The following NSD2 variants were observed in gnomAD, a reference collection of about 807,000 sequenced individuals.
NSD2 encodes the protein nuclear receptor binding SET domain protein 2.
NSD2 carries 12 observed loss-of-function variants against 139.0 expected under a neutral mutation model. The observed-to-expected ratio is 0.09, with a 90% CI of 0.06 to 0.14. The LOEUF (loss-of-function observed/expected upper bound fraction) is 0.14, where lower values mean the gene tolerates loss of function less well. Among genes scored for constraint, NSD2 ranks in the 10% least tolerant of loss-of-function variants. The pLI is 1.00. For synonymous variants in NSD2, 669 were observed against 648.7 expected (o/e 1.03, Z -0.48); for missense variants, 1,155 against 1,745.0 (o/e 0.66, Z 6.02).
rs1403548798 is a variant in NSD2, at chr4:1,980,969, G to A, written c.*2060G>A. Reference sequence around the variant, plus strand: ...ACACACCTTAGAGTCGAAGGCCCCAGGGCCCCGCTGTCACTTGCCCAAAAG... The same window carrying A: ...ACACACCTTAGAGTCGAAGGCCCCAAGGCCCCGCTGTCACTTGCCCAAAAG... On this transcript the variant is annotated 3_prime_UTR_variant, in exon 22 of 22. Coordinates refer to ENST00000508803, the MANE Select transcript of NSD2 (RefSeq NM_001042424.3). 4.3e-6 allele frequency: 1 copy of A among 233,288 alleles called. No homozygotes were observed. The highest frequency in any genetic ancestry group is 8.5e-6 in the Non-Finnish European group (1 of 118,030). 14.5% of individuals were successfully genotyped at this position (233,288 alleles called of 1,614,324 possible).
At position 1,956,108 on chromosome 4, in the gene NSD2, C is replaced by G; in HGVS notation, c.2801C>G (p.Ala934Gly). The G allele has an allele frequency of 6.2e-7, 1 of 1,613,902 alleles. No homozygotes were observed. Among genetic ancestry groups the G allele is most frequent in the Non-Finnish European group, 8.5e-7 (1 of 1,180,036 alleles). ...AAAGATTATTACTGGACGCATCAGG[C>G]GCGAGTGTTCCCGTACATGGAGGGG... ...GSKDYYWTHQARVFPYMEGDR... is the reference protein window; with the variant it reads ...GSKDYYWTHQGRVFPYMEGDR... Residue 934 changes from alanine (A) to glycine (G), a missense_variant, in exon 15 of 22, where the codon GCG becomes GGG. Transcript: ENST00000508803. The surrounding 1 kb of genome is among the most constrained non-coding windows in gnomAD (Gnocchi z 5.3).
chr4:1,959,145 C>G (rs1725121410), intron 16 of NSD2, among the ~76,000 whole-genome samples: 1 of 152,218 alleles, frequency 6.6e-6, no homozygotes, highest in South Asian at 2.1e-4. Flanking sequence ...GTGTACTAAG[C>G]AATCAACACG....
At chr4:1,928,902 TG>T (rs2108848251) in intron 5 of NSD2, among the ~76,000 whole-genome samples, 1 of 151,994 alleles carries the variant, frequency 6.6e-6, no homozygotes, top group East Asian at 1.9e-4. Context: ...AGTGGGCTCA[TG>T]GAGTGAGTCA....
Position 1,957,940 on chromosome 4 carries a change from A to T in NSD2, c.2889A>T (p.Gln963His), listed in dbSNP as rs137974842. Residue 963 changes from glutamine (Q) to histidine (H), a missense_variant, in exon 16 of 22, where the codon CAA (glutamine) becomes CAT (histidine). Transcript: ENST00000508803. Reference protein sequence around the residue: ...GIGRVFKNALQEAEARFREIK... With the variant: ...GIGRVFKNALHEAEARFREIK... ...ATTTCATTGACTTTTTAGCACTGCA[A>T]GAAGCTGAAGCTCGTTTTCGTGAAA... is the stretch of plus-strand genomic sequence containing the variant. 2 of 1,614,078 alleles carry T rather than the reference A, an allele frequency of 1.2e-6. No homozygotes were observed. The highest frequency in any genetic ancestry group is 2.7e-5 in the African/African-American group (2 of 74,940).
chr4:1,882,214 C>G (rs1714754945), intron 1 of NSD2, among the ~76,000 whole-genome samples: 1 of 152,100 alleles, frequency 6.6e-6, no homozygotes, highest in South Asian at 2.1e-4. Flanking sequence ...ATTGGACAGC[C>G]CTGTCTCCTT....
chr4:1,957,995 C>G lies in NSD2; in HGVS notation c.2944C>G (p.Gln982Glu), dbSNP rs1472780335. The change falls in exon 16 of 22, where the codon CAG (glutamine) becomes GAG (glutamate). Residue 982 changes from glutamine (Q) to glutamate (E), a missense_variant. Gln to Glu is a conservative substitution (Grantham distance 29). This residue lies in a region of NSD2 where 139 missense variants were observed against 485.8 expected (regional missense o/e 0.29). Coordinates refer to ENST00000508803, the MANE Select transcript of NSD2 (RefSeq NM_001042424.3). Reference protein sequence around the residue: ...IKLQREARETQESERKPPPYK... With the variant: ...IKLQREARETEESERKPPPYK... ...GCTTCAGAGGGAAGCCCGAGAAACA[C>G]AGGAGAGCGAGCGCAAGCCCCCACC... 6.2e-7 allele frequency: 1 copy of G among 1,614,186 alleles called. No individual in the cohort carries two copies. Among genetic ancestry groups the G allele is most frequent in the Admixed American group, 1.7e-5 (1 of 60,026 alleles).
intron 8 of NSD2, 51 bp downstream of exon 8, chr4:1,938,583 G>A: frequency 7.0e-7 from 1 of 1,435,570 alleles, no homozygotes; most frequent in Non-Finnish European, 9.7e-7. Flanking sequence ...CCCAGGCTGG[G>A]CTGGGTGGGT....
intron 7 of NSD2, among the ~76,000 whole-genome samples, chr4:1,936,356 G>T (rs1722397353): frequency 6.6e-6 from 1 of 152,110 alleles, no homozygotes; most frequent in Non-Finnish European, 1.5e-5. Flanking sequence ...TTTGTACTTT[G>T]TTTGAATTTC....
At chr4:1,906,044 T>C (rs1717853104) in intron 3 of NSD2, among the ~76,000 whole-genome samples, 1 of 152,168 alleles carries the variant, frequency 6.6e-6, no homozygotes, top group Non-Finnish European at 1.5e-5. Flanking sequence ...AGGCATAGTC[T>C]CCACACAGCA....
At chr4:1,904,908 A>T (rs1331931282) in intron 3 of NSD2, among the ~76,000 whole-genome samples, 2 of 152,194 alleles carry the variant, frequency 1.3e-5, no homozygotes, top group Non-Finnish European at 2.9e-5. Flanking sequence ...AGGTGGGTGG[A>T]TCACTTGAGG....
At chr4:1,947,900 G>T (rs1464992964) in intron 9 of NSD2, 2 of 1,055,336 alleles carry the variant, frequency 1.9e-6, no homozygotes, top group Non-Finnish European at 2.3e-6. Flanking sequence ...GTAGGTGAGC[G>T]CTTTGCAGTC....
Position 1,938,372 on chromosome 4 carries a change from T to TTTTTCTTTTTTTTTCCTTTTTTTA in NSD2, c.1675-56_1675-55insATTTTCTTTTTTTTTCCTTTTTTT. 6 of 1,222,856 alleles carry TTTTTCTTTTTTTTTCCTTTTTTTA rather than the reference T, an allele frequency of 4.9e-6. No homozygotes were observed. The South Asian group carries it at 1.1e-4, about 22-fold the overall frequency. The allele number at this position is 1,222,856 out of a possible 1,614,324, so 75.8% of individuals were successfully genotyped here. On this transcript the variant is annotated intron_variant, in intron 7 of 21. Transcript: ENST00000508803. ...TTCCTTTCTTTTCCTTTTGTTGTTC[T>TTTTTCTTTTTTTTTCCTTTTTTTA]TTTTCTTTTTTTTTCCTTTTTTTCT...
chr4:1,965,822 A>G (rs1725829251), intron 18 of NSD2, among the ~76,000 whole-genome samples: 1 of 152,206 alleles, frequency 6.6e-6, no homozygotes, highest in Admixed American at 6.5e-5. Context: ...TTATAAAACC[A>G]TCAGATCTTG....
At chr4:1,882,633 C>G (rs531731408) in intron 1 of NSD2, among the ~76,000 whole-genome samples, 2 of 152,206 alleles carry the variant, frequency 1.3e-5, no homozygotes, top group South Asian at 4.1e-4. Flanking sequence ...CACTGCACTC[C>G]AGCTTGGGCG....
chr4:1,888,152 C>A (rs1185026836), intron 1 of NSD2, among the ~76,000 whole-genome samples: 1 of 152,062 alleles, frequency 6.6e-6, no homozygotes, highest in Non-Finnish European at 1.5e-5. Flanking sequence ...GTGGCTCACG[C>A]CTGTAATCCC....
At chr4:1,896,591 G>T (rs1173921296) in intron 1 of NSD2, among the ~76,000 whole-genome samples, 1 of 152,058 alleles carries the variant, frequency 6.6e-6, no homozygotes, top group East Asian at 1.9e-4. Flanking sequence ...ATCTCAAACT[G>T]CTGGGTTCAA....
In NSD2 at chr4:1,916,868, T is replaced by C. The variant is rs776356849; in HGVS notation, c.761-3T>C. ...TTCTCTAACATTTTATTTTAAAAAC[T>C]AGGTCAGAAAAAGAGTGCACGCCAG... On this transcript the variant is annotated splice_polypyrimidine_tract_variant and splice_region_variant and intron_variant, in intron 3 of 21. Transcript: ENST00000508803. 5.0e-6 allele frequency: 8 copies of C among 1,588,710 alleles called. No homozygotes were observed. The Admixed American group carries it at 9.3e-5, about 18-fold the overall frequency.
At chr4:1,880,952 A>C (rs2108676781) in intron 1 of NSD2, among the ~76,000 whole-genome samples, 1 of 152,328 alleles carries the variant, frequency 6.6e-6, no homozygotes, top group Non-Finnish European at 1.5e-5. Context: ...TTTTATTTTT[A>C]GCTGTGATAG....
chr4:1,918,047 C>G (rs1345132711), intron 4 of NSD2, 94 bp from the exon 5 acceptor site: 8 of 1,457,142 alleles, frequency 5.5e-6, no homozygotes, highest in Non-Finnish European at 7.3e-6. Flanking sequence ...CCCATAAGTG[C>G]TGGAATTATA....
Sources: gnomAD v4.1 joint callset for allele counts (sites outside exome capture counted in the v4.1 genomes callset) on GRCh38, gnomAD v4.1.1 for gene constraint, gnomAD v4.1.1 regional missense constraint, Gnocchi (gnomAD v3.1) non-coding constraint, MANE v1.5 for transcripts, NCBI Gene and HGNC (gene_info 2026-07-23, HGNC 2026-07-21) for gene names.